The following FARP1 variants were observed in gnomAD, a reference collection of about 807,000 sequenced individuals.
FARP1 encodes the protein FERM, ARHGEF and pleckstrin domain-containing protein 1.
In FARP1, 52 loss-of-function variants were observed where a neutral mutation model predicts 128.8. That is an observed-to-expected ratio of 0.40 (90% CI 0.32 to 0.51). FARP1 has a LOEUF of 0.51. FARP1 is among the 20% of genes least tolerant of loss of function. The probability of loss-of-function intolerance (pLI) is 0.45; values close to 1 mark genes in which losing one functional copy is unlikely to be tolerated. For synonymous variants in FARP1, 580 were observed against 551.8 expected (o/e 1.05, Z -0.72); for missense variants, 1,333 against 1,367.9 (o/e 0.97, Z 0.40).
At chr13:98,178,264 C>T (rs551718842) in intron 1 of FARP1, among the ~76,000 whole-genome samples, 12 of 149,118 alleles carry the variant, frequency 8.0e-5, no homozygotes, top group Non-Finnish European at 1.6e-4. Context: ...TACATGATCC[C>T]GGCTCACTGC....
chr13:98,177,055 C>G (rs1482387883), intron 1 of FARP1: 8 of 1,594,680 alleles, frequency 5.0e-6, no homozygotes, highest in Non-Finnish European at 6.8e-6. Flanking sequence ...CGGTGCCACC[C>G]GCGGGGGCTG....
chr13:98,296,776 C>T (rs1885716372), intron 2 of FARP1, among the ~76,000 whole-genome samples: 1 of 145,836 alleles, frequency 6.9e-6, no homozygotes, highest in Non-Finnish European at 1.5e-5. Flanking sequence ...GCCTCTGCTT[C>T]CCAACTCAGG....
intron 1 of FARP1, among the ~76,000 whole-genome samples, chr13:98,175,035 C>T (rs543440502): frequency 6.6e-6 from 1 of 152,278 alleles, no homozygotes; most frequent in Admixed American, 6.5e-5. Flanking sequence ...GAAGTTCGCT[C>T]TGCCGCAGTT....
At chr13:98,417,461 A>AGG (rs1891425644) in intron 16 of FARP1, among the ~76,000 whole-genome samples, 39 of 104,068 alleles carry the variant, frequency 3.7e-4, no homozygotes, top group African/African-American at 1.5e-3. Flanking sequence ...GTTTGAAAAA[A>AGG]AAAAAAAAAA....
chr13:98,238,469 C>G (rs562241675), intron 2 of FARP1, among the ~76,000 whole-genome samples: 1 of 152,246 alleles, frequency 6.6e-6, no homozygotes, highest in East Asian at 1.9e-4. Context: ...AAAGACATAT[C>G]TGAGACTGGG....
At chr13:98,191,790 A>G (rs1273108906) in intron 1 of FARP1, among the ~76,000 whole-genome samples, 1 of 152,190 alleles carries the variant, frequency 6.6e-6, no homozygotes, top group African/African-American at 2.4e-5. Context: ...TAAAAATACA[A>G]AAGTTAGCTG....
chr13:98,410,016 T>C (rs1181619046), intron 14 of FARP1, among the ~76,000 whole-genome samples: 2 of 152,264 alleles, frequency 1.3e-5, no homozygotes, highest in African/African-American at 2.4e-5. Context: ...TGGACAGTCA[T>C]GTGGTTCCCA....
chr13:98,358,721 C>T (rs1199331352), intron 3 of FARP1, among the ~76,000 whole-genome samples: 1 of 152,016 alleles, frequency 6.6e-6, no homozygotes, highest in Non-Finnish European at 1.5e-5. Context: ...CTGTAACCTC[C>T]GCCTCGCAGG....
At position 98,446,750 on chromosome 13, in the gene FARP1, G is replaced by C. The variant is rs369210249; in HGVS notation, c.2989G>C (p.Val997Leu). Residue 997 changes from valine to leucine, a missense_variant, in exon 26 of 27, where the codon GTG becomes CTG. By Grantham distance (32) the Val-to-Leu change is conservative. This residue lies in a region of FARP1 where 1,009 missense variants were observed against 969.8 expected (regional missense o/e 1.04). Coordinates refer to ENST00000319562, the MANE Select transcript of FARP1 (RefSeq NM_005766.4). Reference sequence around the variant, plus strand: ...GTCCGAGAACATCCAGAAAGACTACGTGTTCAAGCTGCACTTCAAGTCCCA... The same window carrying C: ...GTCCGAGAACATCCAGAAAGACTACCTGTTCAAGCTGCACTTCAAGTCCCA... ...SESENIQKDY[V>L]FKLHFKSHVY... 2.5e-6 allele frequency: 4 copies of C among 1,614,160 alleles called. No individual in the cohort carries two copies. The highest frequency in any genetic ancestry group is 2.2e-5 in the East Asian group (1 of 44,870).
chr13:98,399,328 T>A (rs1012979382), intron 13 of FARP1: 4 of 152,204 alleles, frequency 2.6e-5, no homozygotes, highest in African/African-American at 9.7e-5. Context: ...TGAGGTGATG[T>A]GGTCTCCTCA....
rs573530544 is a variant in FARP1, at chr13:98,454,003, T to C, written c.*5686T>C. ...CAGAGAGCAGTTCCTTTGAGCCCCA[T>C]GCTGGCGCTCAAAAGTTTCAGATTG... On this transcript the variant is annotated 3_prime_UTR_variant, in exon 27 of 27. Coordinates refer to ENST00000319562, the MANE Select transcript of FARP1 (RefSeq NM_005766.4). The C allele has an allele frequency of 6.6e-6, 1 of 152,198 alleles. No individual in the cohort carries two copies. Among genetic ancestry groups the C allele is most frequent in the Non-Finnish European group, 1.5e-5 (1 of 68,040 alleles). The allele number at this position is 152,198 out of a possible 1,614,324, so 9.4% of individuals were successfully genotyped here.
At chr13:98,311,502 C>T (rs1886457052) in intron 2 of FARP1, among the ~76,000 whole-genome samples, 1 of 152,158 alleles carries the variant, frequency 6.6e-6, no homozygotes, top group African/African-American at 2.4e-5. Context: ...TTCATCCTTT[C>T]CTGCCAGTTG....
Position 98,452,344 on chromosome 13 carries a change from A to C in FARP1, c.*4027A>C, listed in dbSNP as rs1015659389. ...GAGAGCGCTTCATGGGGAGAAACTG[A>C]AAATTATAATTTAAAGCTTCATGAG... On this transcript the variant is annotated 3_prime_UTR_variant, in exon 27 of 27. Coordinates refer to ENST00000319562, the MANE Select transcript of FARP1 (RefSeq NM_005766.4). 1.2e-4 allele frequency: 19 copies of C among 152,592 alleles called. No homozygotes were observed. The highest frequency in any genetic ancestry group is 4.3e-4 in the African/African-American group (18 of 41,416). The allele number at this position is 152,592 out of a possible 1,614,324, so 9.5% of individuals were successfully genotyped here. A position where few individuals can be genotyped will look rare whatever the true frequency, so the allele number is the denominator to read the frequency against.
At chr13:98,152,877 C>T (rs752029256) in intron 1 of FARP1, among the ~76,000 whole-genome samples, 3 of 152,056 alleles carry the variant, frequency 2.0e-5, no homozygotes, top group Non-Finnish European at 4.4e-5. Context: ...ATGAATTTCG[C>T]GTCCTTTTAA....
At chr13:98,153,341 T>TATATAAATAATATATATTATATATAA (rs1876184714) in intron 1 of FARP1, among the ~76,000 whole-genome samples, 4 of 35,650 alleles carry the variant, frequency 1.1e-4, no homozygotes, top group Admixed American at 5.8e-4. Context: ...ATATATAAAA[T>TATATAAATAATATATATTATATATAA]AATATATATA....
At chr13:98,382,762 A>G (rs1889933644) in intron 6 of FARP1, among the ~76,000 whole-genome samples, 1 of 151,998 alleles carries the variant, frequency 6.6e-6, no homozygotes, top group Non-Finnish European at 1.5e-5. Context: ...GTTAATAAGT[A>G]TCCTTTTCAT....
chr13:98,428,545 A>G (rs1272127531), intron 17 of FARP1, among the ~76,000 whole-genome samples: 1 of 152,184 alleles, frequency 6.6e-6, no homozygotes, highest in African/African-American at 2.4e-5. Context: ...CACAAAACTG[A>G]CAGCGCAAAG....
chr13:98,144,555 C>T (rs751223961), intron 1 of FARP1, among the ~76,000 whole-genome samples: 4 of 152,158 alleles, frequency 2.6e-5, no homozygotes, highest in Non-Finnish European at 5.9e-5. Flanking sequence ...CTGGTCTCTG[C>T]GTGGAAACCC....
At chr13:98,244,900 G>A (rs1324072869) in intron 2 of FARP1, 16 of 1,404,284 alleles carry the variant, frequency 1.1e-5, no homozygotes, top group Middle Eastern at 2.7e-4. Flanking sequence ...ACTCCTAAAC[G>A]GGTCTCCAGG....
Sources: allele counts gnomAD v4.1 joint callset (sites outside exome capture counted in the v4.1 genomes callset), GRCh38; gene constraint gnomAD v4.1.1; regional missense constraint gnomAD v4.1.1; transcripts MANE v1.5; gene names NCBI Gene and HGNC (gene_info 2026-07-23, HGNC 2026-07-21).